The following JMJD1C variants were observed in gnomAD, a reference collection of about 807,000 sequenced individuals.
JMJD1C encodes the protein jumonji domain containing 1C.
Under a neutral mutation model 245.3 loss-of-function variants are expected in JMJD1C, and 31 were observed. The observed-to-expected ratio is 0.13, with a 90% CI of 0.09 to 0.17. The LOEUF is 0.17. Ranked by LOEUF, JMJD1C falls within the 10% of genes least tolerant of loss-of-function variation. JMJD1C has a pLI of 1.00. For missense variants in JMJD1C, 2,691 were observed against 3,000.2 expected (o/e 0.90, Z 2.41); for synonymous variants, 1,057 against 1,017.4 (o/e 1.04, Z -0.74).
At chr10:63,375,130 T>C (rs1360549231) in intron 2 of JMJD1C, among the ~76,000 whole-genome samples, 1 of 151,742 alleles carries the variant, frequency 6.6e-6, no homozygotes, top group Non-Finnish European at 1.5e-5. Flanking sequence ...CTTTCACCAT[T>C]GACTAGGATA....
At chr10:63,507,611 C>T (rs1954758322) in intron 1 of JMJD1C, among the ~76,000 whole-genome samples, 1 of 116,106 alleles carries the variant, frequency 8.6e-6, no homozygotes, top group African/African-American at 3.5e-5. Context: ...CACCACTGCA[C>T]TCCTGCCTGG....
chr10:63,346,060 G>C (rs1379993142), intron 2 of JMJD1C, among the ~76,000 whole-genome samples: 1 of 152,084 alleles, frequency 6.6e-6, no homozygotes, highest in Non-Finnish European at 1.5e-5. Context: ...CTTATAATCA[G>C]TAAATGGGGT....
intron 1 of JMJD1C, among the ~76,000 whole-genome samples, chr10:63,431,098 G>A (rs573316271): frequency 6.6e-6 from 1 of 152,268 alleles, no homozygotes; most frequent in African/African-American, 2.4e-5. Flanking sequence ...AGATGGTCAT[G>A]AAAAGCAAAC....
chr10:63,190,918 G>T lies in JMJD1C; in HGVS notation c.6267C>A (p.Ala2089=), dbSNP rs369344387. ...CTGGGGCTCCCATTGAATATACTGG[G>T]GCAAAGGCAATGCCAGCATCTGTAG... ...VGSTDAGIAF[A]PVYSMGAPSS... The change falls in exon 17 of 26, where the codon GCC becomes GCA. Residue 2089 remains alanine (A), a synonymous_variant. Transcript: ENST00000399262. 2 of 1,613,962 alleles carry T rather than the reference G, an allele frequency of 1.2e-6. No individual in the cohort carries two copies.
intron 5 of JMJD1C, 84 bp downstream of exon 5, chr10:63,217,123 G>C: frequency 8.4e-7 from 1 of 1,197,422 alleles, no homozygotes; most frequent in South Asian, 1.5e-5. Flanking sequence ...AAATTATTTA[G>C]TATCAAATTG....
Position 63,214,620 on chromosome 10 carries a change from G to C in JMJD1C, c.1547C>G (p.Thr516Ser), listed in dbSNP as rs41274074. ...PKCVIDITND[T>S]NLEKVAQENS... is the part of the protein sequence containing the mutation. The stretch of plus-strand genomic sequence containing the variant: ...TTCCTGAGCCACCTTTTCTAAATTA[G>C]TGTCATTTGTAATATCAATAACACA... Residue 516 changes from threonine to serine, a missense_variant, in exon 8 of 26, where the codon ACT (threonine) becomes AGT (serine). By Grantham distance (58) the Thr-to-Ser change is moderately conservative. Coordinates refer to ENST00000399262, the MANE Select transcript of JMJD1C (RefSeq NM_032776.3). 56,942 of 1,613,868 alleles carry C rather than the reference G, an allele frequency of 0.035. 2,342 individuals carry two copies. Among genetic ancestry groups the C allele is most frequent in the East Asian group, 0.23 (10,356 of 44,848 alleles).
intron 21 of JMJD1C, among the ~76,000 whole-genome samples, chr10:63,183,872 C>T (rs775931363): frequency 7.2e-5 from 11 of 152,076 alleles, no homozygotes; most frequent in Non-Finnish European, 1.5e-4. Flanking sequence ...AAAAGGGTTT[C>T]GATGGATTAA....
chr10:63,507,411 AGGC>A (rs1954751690), intron 1 of JMJD1C, among the ~76,000 whole-genome samples: 1 of 152,090 alleles, frequency 6.6e-6, no homozygotes, highest in South Asian at 2.1e-4. Flanking sequence ...TGGGAGGCTG[AGGC>A]GGGGGGATCA....
intron 2 of JMJD1C, among the ~76,000 whole-genome samples, chr10:63,378,019 G>A (rs1335235540): frequency 2.0e-5 from 3 of 149,358 alleles, no homozygotes; most frequent in Admixed American, 1.3e-4. Flanking sequence ...TTATCTCTTA[G>A]TAATAGGACT....
intron 3 of JMJD1C, among the ~76,000 whole-genome samples, chr10:63,249,892 A>T (rs1400778111): frequency 1.3e-5 from 2 of 151,952 alleles, no homozygotes; most frequent in African/African-American, 4.8e-5. Flanking sequence ...AAAAGACAAG[A>T]CAAATATTTA....
intron 1 of JMJD1C, among the ~76,000 whole-genome samples, chr10:63,389,231 G>A (rs542010059): frequency 6.9e-6 from 1 of 144,548 alleles, no homozygotes; most frequent in South Asian, 2.2e-4. Context: ...AGAACCGCTT[G>A]AACCTGGAAG....
At chr10:63,346,641 G>A (rs1231866306) in intron 2 of JMJD1C, among the ~76,000 whole-genome samples, 3 of 152,084 alleles carry the variant, frequency 2.0e-5, no homozygotes, top group Non-Finnish European at 2.9e-5. Context: ...TTTTCTGTCC[G>A]TAAATTCTCT....
chr10:63,447,837 G>C (rs1951804345), intron 1 of JMJD1C, among the ~76,000 whole-genome samples: 1 of 151,942 alleles, frequency 6.6e-6, no homozygotes, highest in Non-Finnish European at 1.5e-5. Flanking sequence ...TACTTGGGAG[G>C]CTCAGGCAGG....
rs565033873 is a variant in JMJD1C, at chr10:63,190,113, C to A, written c.6292-667G>T. Among the ~76,000 whole-genome samples the A allele has an allele frequency of 7.2e-5, 11 of 152,212 alleles. No homozygotes were observed. In the East Asian group the frequency reaches 2.1e-3, roughly 29 times the overall value. On this transcript the variant is annotated intron_variant, in intron 17 of 25. Transcript: ENST00000399262. ...GGGTTTCACCATGTTGTTGGCCAGG[C>A]TGGTCCCGAACCCCTGACCTCAGGT... is the stretch of plus-strand genomic sequence containing the variant.
intron 1 of JMJD1C, among the ~76,000 whole-genome samples, chr10:63,514,937 A>G (rs1954973344): frequency 6.6e-6 from 1 of 151,106 alleles, no homozygotes; most frequent in Non-Finnish European, 1.5e-5. Context: ...GGTGGACATA[A>G]TAATACTAAG....
At chr10:63,466,576 TTATTA>T (rs1255010502), upstream of JMJD1C, 3 of 152,244 alleles carry the variant, frequency 2.0e-5, no homozygotes, top group African/African-American at 7.2e-5. Context: ...CGTCACTGCT[TTATTA>T]TAAGAACAGC....
chr10:63,466,182 G>C (rs2133130924), upstream of JMJD1C: 1 of 188,152 alleles, frequency 5.3e-6, no homozygotes, highest in East Asian at 1.7e-4. Context: ...AAATGAAGAG[G>C]GCCGCGGGAA....
chr10:63,326,141 T>C (rs1941468192), intron 2 of JMJD1C, among the ~76,000 whole-genome samples: 1 of 152,164 alleles, frequency 6.6e-6, no homozygotes, highest in South Asian at 2.1e-4. Context: ...ACATTTGTAA[T>C]TGACGGGGAA....
At chr10:63,512,972 G>A (rs891872330) in intron 1 of JMJD1C, among the ~76,000 whole-genome samples, 2 of 152,036 alleles carry the variant, frequency 1.3e-5, no homozygotes, top group African/African-American at 4.8e-5. Flanking sequence ...GTATACTAAT[G>A]AGCCTATCAA....
Sources: gnomAD v4.1 joint callset for allele counts (sites outside exome capture counted in the v4.1 genomes callset) on GRCh38, gnomAD v4.1.1 for gene constraint, MANE v1.5 for transcripts, NCBI Gene and HGNC (gene_info 2026-07-23, HGNC 2026-07-21) for gene names.